MAD1L1: variants seen among roughly 807,000 people sequenced by gnomAD.
MAD1L1 encodes the protein mitotic spindle assembly checkpoint protein MAD1.
A neutral mutation model predicts 96.9 loss-of-function variants in MAD1L1; 95 were observed. That is an observed-to-expected ratio of 0.98 (90% confidence interval 0.83 to 1.16). The LOEUF (loss-of-function observed/expected upper bound fraction) is 1.16. MAD1L1 is among the 50% of genes most tolerant of loss of function. MAD1L1 has a pLI of 0.00. For missense variants in MAD1L1, 1,007 were observed against 954.4 expected (o/e 1.06, Z -0.73); for synonymous variants, 473 against 396.6 (o/e 1.19, Z -2.29).
Position 2,032,322 on chromosome 7 carries a change from G to A in MAD1L1, c.1219-17680C>T, listed in dbSNP as rs77523736. ...GACAAGGCTCCAGGGGAAGGCGCGC[G>A]CCCCAGGTCTCCAGCCTCCGTGAAG... On this transcript the variant is annotated intron_variant, in intron 12 of 18. Coordinates refer to ENST00000265854, the MANE Select transcript of MAD1L1 (RefSeq NM_001013836.2). Among the ~76,000 whole-genome samples the A allele has an allele frequency of 2.1e-3, 319 of 152,314 alleles. 2 individuals are homozygous for A. Among genetic ancestry groups the A allele is most frequent in the Non-Finnish European group, 3.7e-3 (251 of 68,020 alleles).
chr7:2,138,246 G>C (rs1788854725), intron 11 of MAD1L1, among the ~76,000 whole-genome samples: 2 of 152,210 alleles, frequency 1.3e-5, no homozygotes, highest in African/African-American at 4.8e-5. Flanking sequence ...AGGGTCCAAA[G>C]GGAAGGAGAA....
intron 14 of MAD1L1, among the ~76,000 whole-genome samples, chr7:1,994,362 C>G (rs879573355): frequency 2.0e-5 from 3 of 152,134 alleles, no homozygotes; most frequent in African/African-American, 7.2e-5. Flanking sequence ...CCTGAGGCTC[C>G]GCTGAACTGA....
chr7:1,910,246 T>C (rs761586383), intron 17 of MAD1L1, among the ~76,000 whole-genome samples: 2 of 152,008 alleles, frequency 1.3e-5, no homozygotes, highest in Non-Finnish European at 2.9e-5. Context: ...CAGCGGAACC[T>C]TGGCGGAAGG....
chr7:1,906,104 G>A (rs1045936597), intron 17 of MAD1L1, among the ~76,000 whole-genome samples: 9 of 147,890 alleles, frequency 6.1e-5, no homozygotes, highest in South Asian at 2.2e-4. Flanking sequence ...CCAAGCACCC[G>A]CAGGCACCAG....
intron 18 of MAD1L1, chr7:1,838,590 G>A (rs554031470): frequency 5.6e-6 from 2 of 358,694 alleles, no homozygotes; most frequent in South Asian, 2.2e-5. Flanking sequence ...GAGACCACTC[G>A]CCGCTGAGCC....
chr7:2,019,987 G>A (rs1782713579), intron 12 of MAD1L1, among the ~76,000 whole-genome samples: 1 of 152,214 alleles, frequency 6.6e-6, no homozygotes, highest in African/African-American at 2.4e-5. Flanking sequence ...GCATGCTAAT[G>A]CTACATATGA....
intron 11 of MAD1L1, among the ~76,000 whole-genome samples, chr7:2,118,418 G>C (rs1305063260): frequency 6.6e-6 from 1 of 152,282 alleles, no homozygotes; most frequent in Non-Finnish European, 1.5e-5. Flanking sequence ...AGAAGCAGGA[G>C]GTCAGCCCTG....
chr7:1,912,857 C>G (rs141466821), intron 17 of MAD1L1, among the ~76,000 whole-genome samples: 112 of 152,308 alleles, frequency 7.4e-4, no homozygotes, highest in African/African-American at 2.5e-3. Context: ...GCAGCTGGTC[C>G]GTGGAGAGAG....
At chr7:1,943,402 C>A (rs564498317) in intron 16 of MAD1L1, among the ~76,000 whole-genome samples, 2 of 152,300 alleles carry the variant, frequency 1.3e-5, no homozygotes, top group East Asian at 3.9e-4. Flanking sequence ...TGTCAGCAAA[C>A]GACCCAGTGT....
chr7:1,833,626 T>C (rs1029777010), intron 18 of MAD1L1, among the ~76,000 whole-genome samples: 3 of 152,254 alleles, frequency 2.0e-5, no homozygotes, highest in Non-Finnish European at 4.4e-5. Flanking sequence ...AGTAACATTC[T>C]GGATGGACCT....
chr7:2,232,096 G>C (rs970775382), intron 1 of MAD1L1, among the ~76,000 whole-genome samples: 3 of 152,216 alleles, frequency 2.0e-5, no homozygotes, highest in African/African-American at 4.8e-5. Flanking sequence ...CCGCAGTAAA[G>C]AACTTTGCAC....
chr7:1,866,218 G>A (rs1334208329), intron 18 of MAD1L1, among the ~76,000 whole-genome samples: 2 of 151,782 alleles, frequency 1.3e-5, no homozygotes, highest in Non-Finnish European at 1.5e-5. Flanking sequence ...AGTACATGCT[G>A]GAAGCCAGGT....
intron 12 of MAD1L1, among the ~76,000 whole-genome samples, chr7:2,061,554 C>G (rs989125232): frequency 2.6e-5 from 4 of 152,126 alleles, no homozygotes; most frequent in African/African-American, 9.7e-5. Context: ...GAGGTGAGGA[C>G]CCGGAGGGAC....
At chr7:1,860,708 C>T (rs1398961758) in intron 18 of MAD1L1, among the ~76,000 whole-genome samples, 5 of 152,182 alleles carry the variant, frequency 3.3e-5, no homozygotes, top group Non-Finnish European at 7.4e-5. Context: ...AATAAGGATC[C>T]CCTGGGCATC....
At chr7:2,080,460 GC>G (rs1399341235) in intron 11 of MAD1L1, among the ~76,000 whole-genome samples, 2 of 152,202 alleles carry the variant, frequency 1.3e-5, no homozygotes, top group Non-Finnish European at 2.9e-5. Flanking sequence ...CCCCGCCTCG[GC>G]CACTGCAGAT....
intron 12 of MAD1L1, among the ~76,000 whole-genome samples, chr7:2,044,511 G>A (rs181493891): frequency 6.6e-6 from 1 of 152,322 alleles, no homozygotes; most frequent in East Asian, 1.9e-4. Context: ...AATCCCAGAG[G>A]AGCCCGCAGC....
intron 3 of MAD1L1, among the ~76,000 whole-genome samples, chr7:2,227,004 A>T (rs1793935888): frequency 6.9e-6 from 1 of 144,668 alleles, no homozygotes; most frequent in African/African-American, 2.6e-5. Flanking sequence ...AAAAAACAAA[A>T]GAATCTAGGC....
chr7:1,984,016 T>C (rs10245334), intron 14 of MAD1L1, among the ~76,000 whole-genome samples: 148,160 of 152,342 alleles, frequency 0.97, 72,175 homozygotes, highest in East Asian at 1. Flanking sequence ...GGTTGAAGGT[T>C]TAATCCATAT....
chr7:2,184,201 G>A (rs948175267), intron 10 of MAD1L1, among the ~76,000 whole-genome samples: 2 of 151,822 alleles, frequency 1.3e-5, no homozygotes, highest in Non-Finnish European at 2.9e-5. Flanking sequence ...GCAGTGAGTG[G>A]AGATCGCGCC....
Sources: gnomAD v4.1 joint callset for allele counts (sites outside exome capture counted in the v4.1 genomes callset) on GRCh38, gnomAD v4.1.1 for gene constraint, MANE v1.5 for transcripts, NCBI Gene and HGNC (gene_info 2026-07-23, HGNC 2026-07-21) for gene names.